RAPGEFL1: variants seen among roughly 807,000 people sequenced by gnomAD.
RAPGEFL1 encodes rap guanine nucleotide exchange factor-like 1.
A neutral mutation model predicts 64.4 loss-of-function variants in RAPGEFL1; 31 were observed. The ratio of observed to expected loss-of-function variants is 0.48; its 90% CI spans 0.36 to 0.65. RAPGEFL1 has a LOEUF of 0.65. Among genes scored for constraint, RAPGEFL1 ranks in the 30% least tolerant of loss-of-function variants. RAPGEFL1 has a pLI of 0.00. For missense variants in RAPGEFL1, 682 were observed against 677.4 expected (o/e 1.01, Z -0.08); for synonymous variants, 331 against 274.1 (o/e 1.21, Z -2.05).
At position 40,188,886 on chromosome 17, in the gene RAPGEFL1, C is replaced by T; in HGVS notation, c.854C>T (p.Pro285Leu). ...GCCAGGATTCCAGAGGAGAACCAGC[C>T]ACCCAGCAAGCAGGTGAAGCCACTC... ...VELKIPEENQ[P>L]PSKQVKPLFR... The change falls in exon 5 of 15, where the codon CCA (proline) becomes CTA (leucine). Residue 285 changes from proline to leucine, a missense_variant. Pro to Leu is a moderately conservative substitution (Grantham distance 98). Coordinates refer to ENST00000620260, the MANE Select transcript of RAPGEFL1 (RefSeq NM_016339.6). 1 of 1,614,136 alleles carries T rather than the reference C, an allele frequency of 6.2e-7. No homozygotes were observed. The highest frequency in any genetic ancestry group is 8.5e-7 in the Non-Finnish European group (1 of 1,180,036).
chr17:40,184,926 TGC>T (rs1990016844), intron 4 of RAPGEFL1, among the ~76,000 whole-genome samples: 1 of 151,980 alleles, frequency 6.6e-6, no homozygotes. Flanking sequence ...ATTACAGGGG[TGC>T]ACCATGCCCA....
rs1392805807 is a variant in RAPGEFL1 at position 40,177,711 on chromosome 17, G to A, written c.-151G>A. 2.4e-6 allele frequency: 1 copy of A among 409,894 alleles called. No homozygotes were observed. Among genetic ancestry groups the A allele is most frequent in the Non-Finnish European group, 4.2e-6 (1 of 235,576 alleles). 25.4% of individuals were successfully genotyped at this position (409,894 alleles called of 1,614,324 possible). On this transcript the variant is annotated 5_prime_UTR_variant, in exon 1 of 15. Coordinates refer to ENST00000620260, the MANE Select transcript of RAPGEFL1 (RefSeq NM_016339.6). ...CTGGCCACTGGACTCTGGCCAGCGA[G>A]GCTCGGCCCCTCTGGCCCCCAGTCT...
At position 40,188,989 on chromosome 17, in the gene RAPGEFL1, G is replaced by A. The variant is rs1012422324; in HGVS notation, c.946+11G>A. ...GGGGCTCTGATGAGAGTGAGTGTGGGCATTAGGAGGGGCAGGGTGTCCTGA... is the reference window on the plus strand; with the variant it reads ...GGGGCTCTGATGAGAGTGAGTGTGGACATTAGGAGGGGCAGGGTGTCCTGA... On this transcript the variant is annotated intron_variant, in intron 5 of 14. Transcript: ENST00000620260. 2 of 1,610,214 alleles carry A rather than the reference G, an allele frequency of 1.2e-6. No homozygotes were observed. The highest frequency in any genetic ancestry group is 1.7e-6 in the Non-Finnish European group (2 of 1,176,626).
rs1369201081 is a variant in RAPGEFL1, at chr17:40,192,998, A to G, written c.1809+8A>G. On this transcript the variant is annotated splice_region_variant and intron_variant, in intron 13 of 14. Coordinates refer to ENST00000620260, the MANE Select transcript of RAPGEFL1 (RefSeq NM_016339.6). ...GTGAACATCGAGAAGCTGGTGAGTGAGTGGCACTGCAAACCCCTAGTCCCA... is the reference window on the plus strand; with the variant it reads ...GTGAACATCGAGAAGCTGGTGAGTGGGTGGCACTGCAAACCCCTAGTCCCA... 6.2e-7 allele frequency: 1 copy of G among 1,612,032 alleles called. No individual in the cohort carries two copies. The highest frequency in any genetic ancestry group is 1.1e-5 in the South Asian group (1 of 91,042).
At chr17:40,178,856 C>T (rs558767330) in intron 1 of RAPGEFL1, among the ~76,000 whole-genome samples, 65 of 152,368 alleles carry the variant, frequency 4.3e-4, no homozygotes, top group Middle Eastern at 6.8e-3. Flanking sequence ...CAGTGCCAGA[C>T]AGGCACAGGC....
At chr17:40,182,154 A>G (rs1381359742) in intron 2 of RAPGEFL1, among the ~76,000 whole-genome samples, 1 of 152,096 alleles carries the variant, frequency 6.6e-6, no homozygotes, top group East Asian at 1.9e-4. Context: ...TGTGACTTGT[A>G]CAGATTACCT....
At chr17:40,188,254 T>C (rs1990146819) in intron 4 of RAPGEFL1, among the ~76,000 whole-genome samples, 1 of 152,040 alleles carries the variant, frequency 6.6e-6, no homozygotes, top group Non-Finnish European at 1.5e-5. Flanking sequence ...AAGGCCCAGG[T>C]CAAATGCCAT....
intron 1 of RAPGEFL1, among the ~76,000 whole-genome samples, chr17:40,180,997 G>A (rs1490662622): frequency 6.6e-6 from 1 of 152,230 alleles, no homozygotes; most frequent in Non-Finnish European, 1.5e-5. Flanking sequence ...GGGGAAAGGG[G>A]TGGTGAGAGG....
In RAPGEFL1 at chr17:40,191,398, G is replaced by T; in HGVS notation, c.1418G>T (p.Ser473Ile). Residue 473 changes from serine to isoleucine, a missense_variant, in exon 9 of 15, where the codon AGC becomes ATC. Physicochemically the swap from Ser to Ile is moderately radical, Grantham distance 142. Transcript: ENST00000620260. This position sits in a 1 kb window ranked among gnomAD's most constrained non-coding sequence, Gnocchi z 5.1. The part of the protein sequence containing the change: ...ANLELLLQRC[S>I]EVTHWVATEV... ...TTGGAGCTGCTGCTGCAGCGCTGCA[G>T]CGAGGTCACGCACTGGGTGGCCACC... 1 of 1,602,442 alleles carries T rather than the reference G, an allele frequency of 6.2e-7. No homozygotes were observed.
intron 8 of RAPGEFL1, 89 bp downstream of exon 8, chr17:40,190,851 C>A: frequency 6.4e-7 from 1 of 1,554,760 alleles, no homozygotes; most frequent in African/African-American, 1.4e-5. Flanking sequence ...GTCCTGGTTC[C>A]AAGGCTCACT....
Position 40,189,332 on chromosome 17 carries a change from G to A in RAPGEFL1, c.1071G>A (p.Gly357=), listed in dbSNP as rs370726321. The A allele has an allele frequency of 2.5e-5, 41 of 1,614,200 alleles. No homozygotes were observed. In the African/African-American group the frequency reaches 3.6e-4, roughly 14 times the overall value. Residue 357 remains glycine (G), a synonymous_variant, in exon 6 of 15, where the codon GGG becomes GGA. Transcript: ENST00000620260. ...EKLQYSEEPA[G]REDSLILVAV... ...TTCAATATTCAGAGGAGCCCGCGGG[G>A]CGTGAGGATTCCCTCATCCTGGTAG...
Position 40,190,549 on chromosome 17 carries a change from C to T in RAPGEFL1, c.1212+18C>T, listed in dbSNP as rs776516820. 1.2e-6 allele frequency: 2 copies of T among 1,614,066 alleles called. No individual in the cohort carries two copies. Among genetic ancestry groups the T allele is most frequent in the South Asian group, 1.1e-5 (1 of 91,074 alleles). On this transcript the variant is annotated intron_variant, in intron 7 of 14. Coordinates refer to ENST00000620260, the MANE Select transcript of RAPGEFL1 (RefSeq NM_016339.6). ...AGGCTCTGGTAAGAACTTCCCAAGGCCTTGACTGGAATGGAGGGCTGAGGA... is the reference window on the plus strand; with the variant it reads ...AGGCTCTGGTAAGAACTTCCCAAGGTCTTGACTGGAATGGAGGGCTGAGGA...
rs576148084 is a variant in RAPGEFL1 at position 40,178,023 on chromosome 17, G to T, written c.162G>T (p.Gln54His). The change falls in exon 1 of 15, where the codon CAG becomes CAT. Residue 54 changes from glutamine to histidine, a missense_variant. Gln to His is a conservative substitution (Grantham distance 24). This residue lies in a region of RAPGEFL1 where 271 missense variants were observed against 158.0 expected (regional missense o/e 1.72). Transcript: ENST00000620260. ...CAGCCGGGGGACAGCGGTCGTTGCA[G>T]CGGCGTCAGAGCGTGTCTCGCCTGC... ...GGPAGGQRSL[Q>H]RRQSVSRLLL... 1.5e-5 allele frequency: 8 copies of T among 544,024 alleles called. No homozygotes were observed. The highest frequency in any genetic ancestry group is 2.2e-5 in the Non-Finnish European group (7 of 311,150). 33.7% of individuals were successfully genotyped at this position (544,024 alleles called of 1,614,324 possible). A position where few individuals can be genotyped will look rare whatever the true frequency, so the allele number is the denominator to read the frequency against.
At chr17:40,185,248 G>A (rs549387450) in intron 4 of RAPGEFL1, among the ~76,000 whole-genome samples, 4 of 152,282 alleles carry the variant, frequency 2.6e-5, no homozygotes, top group African/African-American at 9.6e-5. Context: ...TGTAGCTTTT[G>A]CTGATTCCTA....
In RAPGEFL1 at chr17:40,192,215, G is replaced by A; in HGVS notation, c.1608G>A (p.Lys536=). The stretch of plus-strand genomic sequence containing the variant: ...TCTCCTTCCTTCAAACTCTGCAGAA[G>A]CTGCCAGGGAAATTCAAGAACTTGT... ...AVSRLRLTWE[K]LPGKFKNLFR... Residue 536 remains lysine (K), a splice_region_variant and synonymous_variant, in exon 11 of 15, where the codon AAG becomes AAA. Coordinates refer to ENST00000620260, the MANE Select transcript of RAPGEFL1 (RefSeq NM_016339.6). 6.2e-7 allele frequency: 1 copy of A among 1,613,872 alleles called. No individual in the cohort carries two copies. The highest frequency in any genetic ancestry group is 1.1e-5 in the South Asian group (1 of 91,084).
Position 40,192,938 on chromosome 17 carries a change from T to G in RAPGEFL1, c.1757T>G (p.Leu586Arg). The stretch of plus-strand genomic sequence containing the variant: ...CCACATCCCCTAGACCTGACTTTCC[T>G]GCACGAAGGGAGTAAGACCCTTGTA... ...VPLILKDLTF[L>R]HEGSKTLVDG... The change falls in exon 13 of 15, where the codon CTG becomes CGG. Residue 586 changes from leucine (L) to arginine (R), a missense_variant. This residue lies in a region of RAPGEFL1 where 411 missense variants were observed against 519.4 expected (regional missense o/e 0.79). Transcript: ENST00000620260. 6.2e-7 allele frequency: 1 copy of G among 1,613,804 alleles called. No homozygotes were observed. Among genetic ancestry groups the G allele is most frequent in the Non-Finnish European group, 8.5e-7 (1 of 1,179,686 alleles).
chr17:40,190,218 G>A (rs1329321723), intron 6 of RAPGEFL1, among the ~76,000 whole-genome samples: 1 of 152,052 alleles, frequency 6.6e-6, no homozygotes, highest in African/African-American at 2.4e-5. Flanking sequence ...GAAAAGCTGT[G>A]AAAGAAAGGG....
At chr17:40,192,898 C>G in intron 12 of RAPGEFL1, 28 bp from the exon 13 acceptor site, 1 of 1,583,538 alleles carries the variant, frequency 6.3e-7, no homozygotes, top group Non-Finnish European at 8.7e-7. Flanking sequence ...ATCCTTTCCT[C>G]ACATTGGATT....
chr17:40,181,276 C>T (rs1013617888), intron 1 of RAPGEFL1: 2 of 482,628 alleles, frequency 4.1e-6, no homozygotes, highest in Non-Finnish European at 8.2e-6. Context: ...GGAGACACTT[C>T]TGTGGGCTAC....
Sources: allele counts gnomAD v4.1 joint callset (sites outside exome capture counted in the v4.1 genomes callset), GRCh38; gene constraint gnomAD v4.1.1; regional missense constraint gnomAD v4.1.1; non-coding constraint Gnocchi (gnomAD v3.1); transcripts MANE v1.5; gene names NCBI Gene and HGNC (gene_info 2026-07-23, HGNC 2026-07-21).